GALNT16: variants seen among roughly 807,000 people sequenced by gnomAD.
GALNT16 encodes UDP-GalNAc:polypeptide N-acetylgalactosaminyltransferase-like protein 1.
Under a neutral mutation model 76.1 loss-of-function variants are expected in GALNT16, and 40 were observed. That is an observed-to-expected ratio of 0.53 (90% CI 0.41 to 0.68). GALNT16 has a LOEUF of 0.68. Among genes scored for constraint, GALNT16 ranks in the 30% least tolerant of loss-of-function variants. The probability of loss-of-function intolerance (pLI) is 0.00; values close to 1 mark genes in which losing one functional copy is unlikely to be tolerated. For synonymous variants in GALNT16, 276 were observed against 285.2 expected, an observed-to-expected ratio of 0.97 and a Z score of 0.32; for missense variants, 621 against 731.9, an observed-to-expected ratio of 0.85 and a Z score of 1.75.
At chr14:69,305,090 G>A (rs573995765) in intron 1 of GALNT16, among the ~76,000 whole-genome samples, 45 of 149,508 alleles carry the variant, frequency 3.0e-4, no homozygotes, top group African/African-American at 1.0e-3. Context: ...CACTGAAAGC[G>A]TGCAGGAGTT....
At position 69,348,019 on chromosome 14, in the gene GALNT16, C is replaced by G. The variant is rs1317646188; in HGVS notation, c.1539+17C>G. On this transcript the variant is annotated intron_variant, in intron 14 of 14. Transcript: ENST00000448469. ...GGCAAGCAGGTGAGTCTCCTTGCCT[C>G]TGGCCCAGAGGCCCAGCAGCCCGAG... The G allele has an allele frequency of 6.2e-7, 1 of 1,613,632 alleles. No homozygotes were observed. Among genetic ancestry groups the G allele is most frequent in the Non-Finnish European group, 8.5e-7 (1 of 1,179,806 alleles).
chr14:69,362,442 G>C, the GALNT16 span, among the ~76,000 whole-genome samples: 1 of 152,362 alleles, frequency 6.6e-6, no homozygotes, highest in African/African-American at 2.4e-5. Flanking sequence ...TAAGCAGTGA[G>C]GCTTATTTAA....
rs60818532 is a variant in GALNT16 at position 69,264,819 on chromosome 14, C to CTTTTTTTTTTTTTTTTTTTTTTTTTTTTT, written c.177+4363_177+4364insTTTTTTTTTTTTTTTTTTTTTTTTTTTTT. 1.6e-3 allele frequency among the ~76,000 whole-genome samples: 156 copies of CTTTTTTTTTTTTTTTTTTTTTTTTTTTTT among 96,546 alleles called. 20 individuals carry two copies. Among genetic ancestry groups the CTTTTTTTTTTTTTTTTTTTTTTTTTTTTT allele is most frequent in the East Asian group, 4.3e-3 (10 of 2,320 alleles). 63.3% of individuals were successfully genotyped at this position (96,546 alleles called of 152,430 possible). On this transcript the variant is annotated intron_variant, in intron 1 of 14. Transcript: ENST00000448469. ...TTTATTTTCTCTTTTCTTTTTCTTT[C>CTTTTTTTTTTTTTTTTTTTTTTTTTTTTT]TTTTTTTTTTTGGACACAGGGTCTC...
chr14:69,260,127 C>T (rs1304519861), upstream of GALNT16: 1 of 389,814 alleles, frequency 2.6e-6, no homozygotes, highest in South Asian at 2.1e-5. Context: ...GATCCTGTCT[C>T]TCCCTATCAC....
chr14:69,345,082 A>G (rs1051607584), intron 12 of GALNT16, among the ~76,000 whole-genome samples: 4 of 152,252 alleles, frequency 2.6e-5, no homozygotes, highest in African/African-American at 9.6e-5. Context: ...GCAGTGGATT[A>G]GTACCATTCT....
At chr14:69,296,752 A>C (rs1422547777) in intron 1 of GALNT16, among the ~76,000 whole-genome samples, 1 of 150,938 alleles carries the variant, frequency 6.6e-6, no homozygotes, top group Non-Finnish European at 1.5e-5. Context: ...ATAGATAGAT[A>C]GATAGATAGA....
At chr14:69,299,117 G>T (rs1050819851) in intron 1 of GALNT16, among the ~76,000 whole-genome samples, 6 of 152,232 alleles carry the variant, frequency 3.9e-5, no homozygotes, top group African/African-American at 1.4e-4. Context: ...TTCAGCACGT[G>T]CAGTAGCCCT....
intron 1 of GALNT16, among the ~76,000 whole-genome samples, chr14:69,291,190 A>G (rs1284426744): frequency 6.6e-6 from 1 of 152,190 alleles, no homozygotes; most frequent in Non-Finnish European, 1.5e-5. Flanking sequence ...CTAACTCGGG[A>G]GGCTGAGGCA....
chr14:69,319,256 G>A (rs1458872847), intron 1 of GALNT16, among the ~76,000 whole-genome samples: 2 of 152,226 alleles, frequency 1.3e-5, no homozygotes, highest in Admixed American at 6.5e-5. Context: ...AGAGCTCCCC[G>A]GACCCTGGGC....
intron 1 of GALNT16, among the ~76,000 whole-genome samples, chr14:69,315,543 G>A (rs572772386): frequency 2.6e-5 from 4 of 152,274 alleles, no homozygotes; most frequent in African/African-American, 4.8e-5. Flanking sequence ...CCTGAACACC[G>A]CCCTGCCTGC....
At chr14:69,375,114 G>A in the GALNT16 span, among the ~76,000 whole-genome samples, 1 of 152,156 alleles carries the variant, frequency 6.6e-6, no homozygotes, top group East Asian at 1.9e-4. Flanking sequence ...TATGTCTCTT[G>A]ATGAAGCTAC....
intron 1 of GALNT16, among the ~76,000 whole-genome samples, chr14:69,293,262 G>T (rs1039413706): frequency 6.6e-6 from 1 of 152,138 alleles, no homozygotes; most frequent in African/African-American, 2.4e-5. Context: ...ACCCAGATGC[G>T]GTAGGAACTG....
rs570222114 is a variant in GALNT16, at chr14:69,339,100, C to G, written c.1094+323C>G. Among the ~76,000 whole-genome samples, 18 of 152,286 alleles carry G rather than the reference C, an allele frequency of 1.2e-4. No homozygotes were observed. The South Asian group carries it at 3.7e-3, about 32-fold the overall frequency. On this transcript the variant is annotated intron_variant, in intron 10 of 14. Coordinates refer to ENST00000448469, the MANE Select transcript of GALNT16 (RefSeq NM_001168368.2). ...CTGGTCATGGATGCCTGTGCCCCAACCCTGACTTGATCAACCATCTGTCCA... is the reference window on the plus strand; with the variant it reads ...CTGGTCATGGATGCCTGTGCCCCAAGCCTGACTTGATCAACCATCTGTCCA...
chr14:69,299,661 T>G (rs1409926334), intron 1 of GALNT16, among the ~76,000 whole-genome samples: 1 of 152,176 alleles, frequency 6.6e-6, no homozygotes, highest in African/African-American at 2.4e-5. Context: ...GAATTATACA[T>G]CTTGCTCACT....
the GALNT16 span, among the ~76,000 whole-genome samples, chr14:69,367,136 G>A: frequency 2.0e-5 from 3 of 152,154 alleles, no homozygotes; most frequent in African/African-American, 7.2e-5. Context: ...CAGGGAACAG[G>A]GAGGCGGATT....
rs188702331 is a variant in GALNT16, at chr14:69,352,383, C to T, written c.*215C>T. 6.6e-4 allele frequency: 361 copies of T among 549,858 alleles called. 2 individuals carry two copies. The highest frequency in any genetic ancestry group is 6.1e-3 in the African/African-American group (320 of 52,838). 34.1% of individuals were successfully genotyped at this position (549,858 alleles called of 1,614,324 possible). On this transcript the variant is annotated 3_prime_UTR_variant, in exon 15 of 15. Transcript: ENST00000448469. ...CCTCAGTGCTGTCCTGGCCTTGCCCCGGGAGAGGAGATGGTCAGGGTGCTG... is the reference window on the plus strand; with the variant it reads ...CCTCAGTGCTGTCCTGGCCTTGCCCTGGGAGAGGAGATGGTCAGGGTGCTG...
At chr14:69,320,963 A>AAATCATCC in intron 2 of GALNT16, 95 bp downstream of exon 2, 10 of 1,231,446 alleles carry the variant, frequency 8.1e-6, no homozygotes, top group Non-Finnish European at 1.2e-5. Flanking sequence ...AGAAATGAGG[A>AAATCATCC]TGATTTCCTC....
At chr14:69,366,676 C>T in the GALNT16 span, among the ~76,000 whole-genome samples, 1 of 152,212 alleles carries the variant, frequency 6.6e-6, no homozygotes, top group Non-Finnish European at 1.5e-5. Context: ...TCCCTCCCTG[C>T]CTCATACTCC....
chr14:69,260,241 C>T lies in GALNT16; in HGVS notation c.-50C>T. On this transcript the variant is annotated 5_prime_UTR_variant, in exon 1 of 15. Coordinates refer to ENST00000448469, the MANE Select transcript of GALNT16 (RefSeq NM_001168368.2). ...GGCTGCGAGCGCCCCCGCCCCGGCC[C>T]CGAGAGCACGCCGGCCCAGTCCCCC... 6.4e-7 allele frequency: 1 copy of T among 1,552,812 alleles called. No individual in the cohort carries two copies. The highest frequency in any genetic ancestry group is 1.1e-5 in the South Asian group (1 of 89,278).
Sources: allele counts gnomAD v4.1 joint callset (sites outside exome capture counted in the v4.1 genomes callset), GRCh38; gene constraint gnomAD v4.1.1; transcripts MANE v1.5; gene names NCBI Gene and HGNC (gene_info 2026-07-23, HGNC 2026-07-21).